FOXO1: variants seen among roughly 807,000 people sequenced by gnomAD.
FOXO1 encodes the protein forkhead box protein O1.
In FOXO1, 6 loss-of-function variants were observed where a neutral mutation model predicts 44.1. The ratio of observed to expected loss-of-function variants is 0.14; its 90% CI spans 0.07 to 0.27. FOXO1 has a LOEUF of 0.27. Ranked by LOEUF, FOXO1 falls within the 10% of genes least tolerant of loss-of-function variation. The pLI is 1.00. For synonymous variants in FOXO1, 380 were observed against 362.7 expected, an observed-to-expected ratio of 1.05 and a Z score of -0.54; for missense variants, 737 against 888.8, an observed-to-expected ratio of 0.83 and a Z score of 2.17.
chr13:40,615,528 A>AATACATACATAC (rs56390235), intron 1 of FOXO1, among the ~76,000 whole-genome samples: 96 of 139,816 alleles, frequency 6.9e-4, no homozygotes, highest in African/African-American at 2.0e-3. Flanking sequence ...CTCCATCTCA[A>AATACATACATAC]ATACATACAT....
chr13:40,638,516 C>G (rs1877236226), intron 1 of FOXO1, among the ~76,000 whole-genome samples: 3 of 152,222 alleles, frequency 2.0e-5, no homozygotes, highest in African/African-American at 7.2e-5. Flanking sequence ...CCCTTAAAAG[C>G]TTACAGTCCA....
chr13:40,567,894 G>T (rs1874330800), intron 1 of FOXO1, among the ~76,000 whole-genome samples: 1 of 152,052 alleles, frequency 6.6e-6, no homozygotes, highest in South Asian at 2.1e-4. Context: ...CTTGAACCTG[G>T]GAGGCAGAGG....
At chr13:40,623,354 T>A (rs1364612603) in intron 1 of FOXO1, among the ~76,000 whole-genome samples, 1 of 152,212 alleles carries the variant, frequency 6.6e-6, no homozygotes, top group Non-Finnish European at 1.5e-5. Context: ...TTTTTTCCTC[T>A]GCATTTACGT....
intron 1 of FOXO1, among the ~76,000 whole-genome samples, chr13:40,617,507 A>G (rs1034337721): frequency 6.6e-6 from 1 of 152,270 alleles, no homozygotes; most frequent in African/African-American, 2.4e-5. Context: ...GTGGGAAATC[A>G]TATCAGAACC....
At chr13:40,634,017 G>C (rs1378885259) in intron 1 of FOXO1, among the ~76,000 whole-genome samples, 1 of 152,100 alleles carries the variant, frequency 6.6e-6, no homozygotes, top group East Asian at 1.9e-4. Context: ...CACTATCAGG[G>C]TTGGAAACTG....
intron 1 of FOXO1, among the ~76,000 whole-genome samples, chr13:40,603,477 T>C (rs755079765): frequency 4.6e-5 from 7 of 152,040 alleles, no homozygotes; most frequent in Middle Eastern, 6.8e-3. Flanking sequence ...TGTGTGTACA[T>C]ATATATGTAT....
intron 1 of FOXO1, among the ~76,000 whole-genome samples, chr13:40,580,809 G>A (rs1185368270): frequency 6.6e-6 from 1 of 152,196 alleles, no homozygotes; most frequent in African/African-American, 2.4e-5. Context: ...GTCATTTGAA[G>A]GTGAAAGTCA....
chr13:40,631,803 C>G (rs1178254734), intron 1 of FOXO1, among the ~76,000 whole-genome samples: 1 of 152,170 alleles, frequency 6.6e-6, no homozygotes, highest in East Asian at 1.9e-4. Context: ...CACAAAGTTA[C>G]AGTTTTGCAA....
intron 1 of FOXO1, chr13:40,619,473 G>A (rs1376827163): frequency 3.1e-6 from 4 of 1,280,804 alleles, no homozygotes; most frequent in Non-Finnish European, 3.4e-6. Flanking sequence ...GAACAAACTC[G>A]AACAGTGGAG....
rs1873940902 is a variant in FOXO1 at position 40,560,235 on chromosome 13, G to T, written c.1256C>A (p.Pro419Gln). 6.2e-6 allele frequency: 10 copies of T among 1,614,190 alleles called. No homozygotes were observed. The highest frequency in any genetic ancestry group is 8.5e-6 in the Non-Finnish European group (10 of 1,180,034). Residue 419 changes from proline (P) to glutamine (Q), a missense_variant, in exon 2 of 3, where the codon CCA becomes CAA. By Grantham distance (76) the Pro-to-Gln change is moderately conservative. Around this residue, in one of 7 missense-constraint regions of FOXO1, gnomAD observed 283 missense variants for 278.1 expected, o/e 1.02. Transcript: ENST00000379561. This position sits in a 1 kb window ranked among gnomAD's most constrained non-coding sequence, Gnocchi z 5.1. ...GCCATATGTATATTTTTGGTAGTTT[G>T]GGCTGGGTGAATTCAAACTGGTGTT... ...PPNTSLNSPS[P>Q]NYQKYTYGQS...
In FOXO1 at chr13:40,665,799, G is replaced by C. The variant is rs981783725; in HGVS notation, c.414C>G (p.Pro138=). 1.6e-6 allele frequency: 2 copies of C among 1,235,460 alleles called. No individual in the cohort carries two copies. The highest frequency in any genetic ancestry group is 3.1e-5 in the African/African-American group (2 of 63,724). The allele number at this position is 1,235,460 out of a possible 1,614,324, so 76.5% of individuals were successfully genotyped here. A position where few individuals can be genotyped will look rare whatever the true frequency, so the allele number is the denominator to read the frequency against. ...PGPLSQHPPV[P]PAAAGPLAGQ... The stretch of plus-strand genomic sequence containing the variant: ...CCGCGAGCGGCCCAGCGGCGGCGGG[G>C]GGCACCGGCGGGTGCTGCGACAGCG... Residue 138 remains proline (P), a synonymous_variant, in exon 1 of 3, where the codon CCC becomes CCG. Coordinates refer to ENST00000379561, the MANE Select transcript of FOXO1 (RefSeq NM_002015.4).
At chr13:40,618,887 G>A (rs1876513054) in intron 1 of FOXO1, 1 of 526,292 alleles carries the variant, frequency 1.9e-6, no homozygotes, top group South Asian at 1.4e-5. Flanking sequence ...CGGCTTATGA[G>A]AGGACCATAA....
chr13:40,622,791 C>T (rs1337978180), intron 1 of FOXO1, among the ~76,000 whole-genome samples: 1 of 151,996 alleles, frequency 6.6e-6, no homozygotes, highest in African/African-American at 2.4e-5. Context: ...GATTCCAATC[C>T]CCTAAAAATT....
chr13:40,560,628 G>A lies in FOXO1; in HGVS notation c.863C>T (p.Pro288Leu). Reference protein sequence around the residue: ...QSGQEGAGDSPGSQFSKWPAS... With the variant: ...QSGQEGAGDSLGSQFSKWPAS... ...AGGCCATTTGGAAAACTGTGATCCA[G>A]GGCTGTCCCCAGCACCCTCCTGGCC... Residue 288 changes from proline to leucine, a missense_variant, in exon 2 of 3, where the codon CCT becomes CTT. Physicochemically the swap from Pro to Leu is moderately conservative, Grantham distance 98. Around this residue, in one of 7 missense-constraint regions of FOXO1, gnomAD observed 136 missense variants for 186.4 expected, o/e 0.73. Transcript: ENST00000379561. This position sits in a 1 kb window ranked among gnomAD's most constrained non-coding sequence, Gnocchi z 5.1. 1 of 1,614,178 alleles carries A rather than the reference G, an allele frequency of 6.2e-7. No individual in the cohort carries two copies. The highest frequency in any genetic ancestry group is 8.5e-7 in the Non-Finnish European group (1 of 1,180,030).
chr13:40,647,196 T>C (rs1877537804), intron 1 of FOXO1, among the ~76,000 whole-genome samples: 1 of 152,162 alleles, frequency 6.6e-6, no homozygotes, highest in South Asian at 2.1e-4. Flanking sequence ...TTATTCACCA[T>C]ATAATTCTTC....
intron 1 of FOXO1, among the ~76,000 whole-genome samples, chr13:40,659,268 T>A (rs1285890983): frequency 6.5e-5 from 9 of 138,698 alleles, no homozygotes; most frequent in Admixed American, 5.5e-4. Context: ...GGGGCTGAGA[T>A]CACGCCACTG....
In FOXO1 at chr13:40,629,207, A is replaced by G. The variant is rs182431436; in HGVS notation, c.630+36376T>C. Among the ~76,000 whole-genome samples the G allele has an allele frequency of 6.1e-3, 929 of 152,034 alleles. 5 individuals carry two copies. The highest frequency in any genetic ancestry group is 0.011 in the Non-Finnish European group (718 of 68,006). On this transcript the variant is annotated intron_variant, in intron 1 of 2. Coordinates refer to ENST00000379561, the MANE Select transcript of FOXO1 (RefSeq NM_002015.4). ...GCCCAGGCTGGAGTGCAGTGGTGCA[A>G]TCTCGGCCCACTGCAACCTCCGCCT...
chr13:40,633,362 G>T (rs1877040781), intron 1 of FOXO1, among the ~76,000 whole-genome samples: 1 of 152,128 alleles, frequency 6.6e-6, no homozygotes. Context: ...AATGTGGGGA[G>T]GTTTTGAAAT....
In FOXO1 at chr13:40,559,793, C is replaced by G. The variant is rs1387189931; in HGVS notation, c.1698G>C (p.Leu566=). The G allele has an allele frequency of 7.4e-6, 12 of 1,613,626 alleles. No individual in the cohort carries two copies. Among genetic ancestry groups the G allele is most frequent in the Non-Finnish European group, 1.0e-5 (12 of 1,179,806 alleles). ...GGGCACTCATCTGCATGGGGTGGGG[C>G]AGAGGCACTTGTACAGGTGTCTTCA... is the stretch of plus-strand genomic sequence containing the variant. ...TQVKTPVQVP[L]PHPMQMSALG... is the part of the protein sequence containing the mutation. Residue 566 remains leucine, a synonymous_variant, in exon 2 of 3, where the codon CTG becomes CTC. Transcript: ENST00000379561.
Sources: gnomAD v4.1 joint callset for allele counts (sites outside exome capture counted in the v4.1 genomes callset) on GRCh38, gnomAD v4.1.1 for gene constraint, gnomAD v4.1.1 regional missense constraint, Gnocchi (gnomAD v3.1) non-coding constraint, MANE v1.5 for transcripts, NCBI Gene and HGNC (gene_info 2026-07-23, HGNC 2026-07-21) for gene names.